ADGRL2: variants seen among roughly 807,000 people sequenced by gnomAD.
ADGRL2 encodes adhesion G protein-coupled receptor L2, also known as calcium-independent alpha-latrotoxin receptor 2.
Under a neutral mutation model 157.4 loss-of-function variants are expected in ADGRL2, and 44 were observed. The observed-to-expected ratio is 0.28, with a 90% CI of 0.22 to 0.36. ADGRL2 has a LOEUF of 0.36. Among genes scored for constraint, ADGRL2 ranks in the 10% least tolerant of loss-of-function variants. The pLI is 1.00. For synonymous variants in ADGRL2, 585 were observed against 624.7 expected (o/e 0.94, Z 0.95); for missense variants, 1,510 against 1,768.9 (o/e 0.85, Z 2.63).
At chr1:81,648,111 A>G (rs572056135) in intron 3 of ADGRL2, among the ~76,000 whole-genome samples, 2 of 152,320 alleles carry the variant, frequency 1.3e-5, no homozygotes, top group African/African-American at 2.4e-5. Flanking sequence ...CCTTTTAAAT[A>G]GAGTCTGAAA....
At chr1:81,625,852 C>T (rs2081898782) in intron 3 of ADGRL2, 1 of 152,170 alleles carries the variant, frequency 6.6e-6, no homozygotes, top group East Asian at 1.9e-4. Context: ...ATCTTTAGAA[C>T]AAACCACACT....
intron 2 of ADGRL2, among the ~76,000 whole-genome samples, chr1:81,528,178 T>G (rs2079510826): frequency 6.6e-6 from 1 of 152,218 alleles, no homozygotes; most frequent in Non-Finnish European, 1.5e-5. Flanking sequence ...CCTCCAGAAC[T>G]GTGAGAAATA....
upstream of ADGRL2, among the ~76,000 whole-genome samples, chr1:81,699,265 T>C (rs2083509597): frequency 6.6e-6 from 1 of 152,220 alleles, no homozygotes; most frequent in Non-Finnish European, 1.5e-5. Context: ...TTTTGCTAAA[T>C]GGTTAGATTT....
chr1:81,951,180 A>T (rs1450647884), intron 8 of ADGRL2, 59 bp downstream of exon 8: 1 of 1,163,462 alleles, frequency 8.6e-7, no homozygotes, highest in Non-Finnish European at 1.3e-6. Flanking sequence ...CTTCTAACAT[A>T]AATAATTTAG....
chr1:81,876,524 A>G (rs965822432), intron 2 of ADGRL2, among the ~76,000 whole-genome samples: 1 of 152,150 alleles, frequency 6.6e-6, no homozygotes, highest in Non-Finnish European at 1.5e-5. Context: ...CCACTAGAGA[A>G]ATCCCTGATT....
At chr1:81,421,274 T>C (rs1010428405) in intron 1 of ADGRL2, among the ~76,000 whole-genome samples, 3 of 152,258 alleles carry the variant, frequency 2.0e-5, no homozygotes, top group African/African-American at 7.2e-5. Context: ...TTTGTTTTAC[T>C]ATTGATCCTC....
At chr1:81,779,646 T>A (rs1297106226) in intron 2 of ADGRL2, among the ~76,000 whole-genome samples, 2 of 152,222 alleles carry the variant, frequency 1.3e-5, no homozygotes, top group Non-Finnish European at 2.9e-5. Flanking sequence ...TCAGAGCCTG[T>A]CAGTAAGTCC....
intron 1 of ADGRL2, among the ~76,000 whole-genome samples, chr1:81,747,019 T>G (rs2085291258): frequency 6.9e-6 from 1 of 145,642 alleles, no homozygotes; most frequent in African/African-American, 2.5e-5. Context: ...CACGTATGTA[T>G]ACACGTGTAT....
intron 2 of ADGRL2, among the ~76,000 whole-genome samples, chr1:81,868,060 G>GGTGTGTGTGTGGT (rs1553173774): frequency 1.4e-5 from 2 of 145,560 alleles, no homozygotes; most frequent in East Asian, 2.0e-4. Flanking sequence ...GTGTGTGTGT[G>GGTGTGTGTGTGGT]GTGTGTGTGT....
intron 1 of ADGRL2, among the ~76,000 whole-genome samples, chr1:81,396,891 G>A (rs1392344155): frequency 6.6e-6 from 1 of 152,096 alleles, no homozygotes; most frequent in Non-Finnish European, 1.5e-5. Context: ...ATTTTGTTGA[G>A]GATTTTTGCA....
intron 2 of ADGRL2, among the ~76,000 whole-genome samples, chr1:81,491,496 A>G (rs770709585): frequency 1.7e-4 from 26 of 152,212 alleles, no homozygotes; most frequent in Non-Finnish European, 3.4e-4. Flanking sequence ...ATGAAGAGAC[A>G]CATAATTCTA....
intron 1 of ADGRL2, among the ~76,000 whole-genome samples, chr1:81,733,757 T>A (rs2149189408): frequency 6.6e-6 from 1 of 152,212 alleles, no homozygotes; most frequent in Admixed American, 6.5e-5. Context: ...GAATGTGACC[T>A]TATTTGGAAT....
chr1:81,825,423 A>G (rs1286703781), intron 1 of ADGRL2, among the ~76,000 whole-genome samples: 2 of 151,912 alleles, frequency 1.3e-5, no homozygotes, highest in African/African-American at 4.8e-5. Flanking sequence ...ATCTCATCTC[A>G]CTGCAACCTC....
At chr1:81,636,720 A>G (rs1225585652) in intron 3 of ADGRL2, among the ~76,000 whole-genome samples, 1 of 152,244 alleles carries the variant, frequency 6.6e-6, no homozygotes, top group Non-Finnish European at 1.5e-5. Context: ...TGGAAACAGT[A>G]GACTAAACCT....
intron 6 of ADGRL2, among the ~76,000 whole-genome samples, chr1:81,944,194 T>C (rs1649013237): frequency 6.6e-6 from 1 of 152,048 alleles, no homozygotes; most frequent in African/African-American, 2.4e-5. Context: ...ATGCCAGATA[T>C]ATGCGTTCTA....
chr1:81,333,414 T>TTAATTA (rs1553154286), intron 1 of ADGRL2, among the ~76,000 whole-genome samples: 3 of 142,956 alleles, frequency 2.1e-5, no homozygotes, highest in Admixed American at 6.9e-5. Context: ...TTAATTAATT[T>TTAATTA]ATTTATTTAT....
intron 2 of ADGRL2, among the ~76,000 whole-genome samples, chr1:81,507,731 TTGA>T (rs2148062182): frequency 6.6e-6 from 1 of 152,310 alleles, no homozygotes; most frequent in East Asian, 1.9e-4. Context: ...AGGGGCTCCA[TTGA>T]TGATTGTTGT....
intron 2 of ADGRL2, chr1:81,580,801 AT>A (rs771757823): frequency 1.2e-4 from 18 of 152,220 alleles, no homozygotes; most frequent in East Asian, 7.7e-4. Flanking sequence ...ATAATACCTA[AT>A]TTGCCTTTTT....
intron 17 of ADGRL2, among the ~76,000 whole-genome samples, chr1:81,975,102 C>T (rs920101805): frequency 1.3e-5 from 2 of 151,950 alleles, no homozygotes; most frequent in Non-Finnish European, 2.9e-5. Flanking sequence ...GACACACACA[C>T]GCCCAGAGCT....
Sources: gnomAD v4.1 joint callset for allele counts (sites outside exome capture counted in the v4.1 genomes callset) on GRCh38, gnomAD v4.1.1 for gene constraint, MANE v1.5 for transcripts, NCBI Gene and HGNC (gene_info 2026-07-23, HGNC 2026-07-21) for gene names.